Variants in MPRIP observed in about 807,000 individuals in gnomAD.
The protein encoded by MPRIP is myosin phosphatase Rho interacting protein.
In MPRIP, 59 loss-of-function variants were observed where a neutral mutation model predicts 234.9. The observed-to-expected ratio is 0.25, with a 90% CI of 0.20 to 0.31. MPRIP has a LOEUF of 0.31. Ranked by LOEUF, MPRIP falls within the 10% of genes least tolerant of loss-of-function variation. The probability of loss-of-function intolerance (pLI) is 1.00; values close to 1 mark genes in which losing one functional copy is unlikely to be tolerated. For synonymous variants in MPRIP, 1,144 were observed against 1,263.9 expected (o/e 0.91, Z 2.01); for missense variants, 2,436 against 3,071.0 (o/e 0.79, Z 4.89).
intron 1 of MPRIP, among the ~76,000 whole-genome samples, chr17:17,068,350 A>T (rs978190351): frequency 4.6e-5 from 7 of 151,642 alleles, no homozygotes; most frequent in African/African-American, 1.7e-4. Context: ...GGGTTTCTTC[A>T]TGTTGGTCAG....
intron 1 of MPRIP, among the ~76,000 whole-genome samples, chr17:17,071,571 A>G (rs988581297): frequency 1.3e-5 from 2 of 152,132 alleles, no homozygotes; most frequent in African/African-American, 4.8e-5. Flanking sequence ...TCGTCCAGGA[A>G]GCAGAAGTTT....
At chr17:17,105,815 G>T (rs567252706) in intron 3 of MPRIP, among the ~76,000 whole-genome samples, 10 of 152,314 alleles carry the variant, frequency 6.6e-5, no homozygotes, top group Admixed American at 4.6e-4. Flanking sequence ...TCAAGGATTT[G>T]ATCTTTATAA....
At chr17:17,074,569 C>G (rs1597756177) in intron 1 of MPRIP, among the ~76,000 whole-genome samples, 2 of 152,342 alleles carry the variant, frequency 1.3e-5, no homozygotes, top group Non-Finnish European at 2.9e-5. Flanking sequence ...GTGCAACCAT[C>G]TCCACTGTCT....
intron 1 of MPRIP, among the ~76,000 whole-genome samples, chr17:17,056,985 G>C (rs1160408279): frequency 6.6e-6 from 1 of 152,254 alleles, no homozygotes; most frequent in Non-Finnish European, 1.5e-5. Context: ...TAGACAGTGG[G>C]ATTGCTTCAC....
chr17:17,105,770 A>G (rs2144248208), intron 3 of MPRIP, among the ~76,000 whole-genome samples: 1 of 152,340 alleles, frequency 6.6e-6, no homozygotes, highest in Admixed American at 6.5e-5. Context: ...CAGCTCAGCC[A>G]TTACCAGCCT....
intron 5 of MPRIP, 78 bp from the exon 6 acceptor site, chr17:17,136,141 C>A: frequency 6.5e-7 from 1 of 1,539,010 alleles, no homozygotes; most frequent in South Asian, 1.1e-5. Flanking sequence ...CCCCCTATAG[C>A]TAGGCAGCCA....
Position 17,165,694 on chromosome 17 carries a change from GTGTAC to G in MPRIP, c.4106_4110del (p.Val1369AlafsTer7). 7.7e-7 allele frequency: 1 copy of G among 1,305,070 alleles called. No individual in the cohort carries two copies. The allele number at this position is 1,305,070 out of a possible 1,614,324, so 80.8% of individuals were successfully genotyped here. On this transcript the variant is annotated frameshift_variant, in exon 16 of 24. Transcript: ENST00000651222. LOFTEE classifies it high-confidence loss of function. ...AGCATGTCCTCAGAGCCTGCACCCA[GTGTAC>G]TGCCTGCAACTGGCGACTCTGACAC... is the stretch of plus-strand genomic sequence containing the variant.
chr17:17,063,600 C>G (rs558068284), intron 1 of MPRIP, among the ~76,000 whole-genome samples: 1 of 152,156 alleles, frequency 6.6e-6, no homozygotes, highest in Non-Finnish European at 1.5e-5. Flanking sequence ...GGCCTGCCCT[C>G]TTTGGTGCCG....
Position 17,108,574 on chromosome 17 carries a change from G to A in MPRIP, c.268-18128G>A, listed in dbSNP as rs1597815889. On this transcript the variant is annotated intron_variant, in intron 3 of 23. Transcript: ENST00000651222. ...GATTACATTATTCAGCAAAAGTTTG[G>A]AACCATTGCTTTAAGCTCTAAAACC... Among the ~76,000 whole-genome samples the A allele has an allele frequency of 7.2e-5, 11 of 152,288 alleles. No homozygotes were observed. In the South Asian group the frequency reaches 2.3e-3, roughly 32 times the overall value.
chr17:17,089,176 T>G (rs1164830387), intron 3 of MPRIP, among the ~76,000 whole-genome samples: 1 of 152,222 alleles, frequency 6.6e-6, no homozygotes, highest in African/African-American at 2.4e-5. Context: ...GCCACAAACT[T>G]AGTGGCTTAA....
At chr17:17,076,468 AC>A (rs1242983380) in intron 2 of MPRIP, 1 of 151,616 alleles carries the variant, frequency 6.6e-6, no homozygotes, top group East Asian at 1.9e-4. Flanking sequence ...TCCTTTCCCC[AC>A]CCTGAATATT....
At chr17:17,096,430 T>G (rs2089847999) in intron 3 of MPRIP, among the ~76,000 whole-genome samples, 1 of 152,074 alleles carries the variant, frequency 6.6e-6, no homozygotes, top group South Asian at 2.1e-4. Flanking sequence ...CTCCAGTACC[T>G]TGGAGAAAAT....
At chr17:17,124,916 C>T (rs577665131) in intron 3 of MPRIP, among the ~76,000 whole-genome samples, 6 of 152,176 alleles carry the variant, frequency 3.9e-5, no homozygotes, top group Admixed American at 2.0e-4. Context: ...GGACCCCCAC[C>T]TTGGGCAGGA....
At chr17:17,060,400 G>A (rs1457217721) in intron 1 of MPRIP, among the ~76,000 whole-genome samples, 1 of 152,214 alleles carries the variant, frequency 6.6e-6, no homozygotes, top group Non-Finnish European at 1.5e-5. Context: ...TTTACCTTCT[G>A]GAATGGCCTG....
chr17:17,084,168 C>T (rs570561684), intron 3 of MPRIP, among the ~76,000 whole-genome samples: 1 of 152,180 alleles, frequency 6.6e-6, no homozygotes, highest in Non-Finnish European at 1.5e-5. Context: ...ATAGTGGCTG[C>T]TGTGTCCGTA....
intron 9 of MPRIP, among the ~76,000 whole-genome samples, chr17:17,145,576 T>G (rs1249959104): frequency 6.6e-6 from 1 of 152,244 alleles, no homozygotes; most frequent in East Asian, 1.9e-4. Flanking sequence ...CTGCAGCTGC[T>G]GCTTCCTCAA....
Position 17,175,282 on chromosome 17 carries a change from C to T in MPRIP, c.6751-11C>T. On this transcript the variant is annotated splice_polypyrimidine_tract_variant and intron_variant, in intron 19 of 23. Coordinates refer to ENST00000651222, the MANE Select transcript of MPRIP (RefSeq NM_001364716.4). ...GCTCTGGAGTGTCACTGTTGTGTTG[C>T]TGTCCCCCAGGAGCTGAACAACCGC... The T allele has an allele frequency of 6.2e-7, 1 of 1,613,112 alleles. No individual in the cohort carries two copies. The highest frequency in any genetic ancestry group is 8.5e-7 in the Non-Finnish European group (1 of 1,179,972).
chr17:17,186,115 G>A lies in MPRIP; in HGVS notation c.*1221G>A, dbSNP rs968018200. 1 of 152,654 alleles carries A rather than the reference G, an allele frequency of 6.6e-6. No homozygotes were observed. Among genetic ancestry groups the A allele is most frequent in the African/African-American group, 2.4e-5 (1 of 41,410 alleles). 9.5% of individuals were successfully genotyped at this position (152,654 alleles called of 1,614,324 possible). ...GAAAACCATTAATCCCATTAAGATAGGGAGTATAAACCCCTGGCTGGTGGA... is the reference window on the plus strand; with the variant it reads ...GAAAACCATTAATCCCATTAAGATAAGGAGTATAAACCCCTGGCTGGTGGA... On this transcript the variant is annotated 3_prime_UTR_variant, in exon 24 of 24. Coordinates refer to ENST00000651222, the MANE Select transcript of MPRIP (RefSeq NM_001364716.4).
At chr17:17,162,688 G>A (rs1166881824) in intron 15 of MPRIP, among the ~76,000 whole-genome samples, 1 of 152,168 alleles carries the variant, frequency 6.6e-6, no homozygotes, top group Admixed American at 6.5e-5. Context: ...AAATCAGGTA[G>A]TAAAGATAAA....
Sources: allele counts gnomAD v4.1 joint callset (sites outside exome capture counted in the v4.1 genomes callset), GRCh38; gene constraint gnomAD v4.1.1; transcripts MANE v1.5; gene names NCBI Gene and HGNC (gene_info 2026-07-23, HGNC 2026-07-21).